The following NR1D1 variants were observed in gnomAD, a reference collection of about 807,000 sequenced individuals.
NR1D1 encodes the protein nuclear receptor subfamily 1 group D member 1.
A neutral mutation model predicts 51.1 loss-of-function variants in NR1D1; 17 were observed. That is an observed-to-expected ratio of 0.33 (90% CI 0.23 to 0.50). NR1D1 has a LOEUF of 0.50. NR1D1 is among the 20% of genes least tolerant of loss of function. NR1D1 has a pLI of 0.98. For synonymous variants in NR1D1, 341 were observed against 333.4 expected, an observed-to-expected ratio of 1.02 and a Z score of -0.25; for missense variants, 647 against 830.4, an observed-to-expected ratio of 0.78 and a Z score of 2.71.
chr17:40,098,963 G>A (rs1025007672), intron 1 of NR1D1, among the ~76,000 whole-genome samples: 2 of 152,130 alleles, frequency 1.3e-5, no homozygotes, highest in Non-Finnish European at 2.9e-5. Context: ...TAAAACAGAA[G>A]GCCATGAAAG....
Position 40,096,646 on chromosome 17 carries a change from G to A in NR1D1, c.459+45C>T, listed in dbSNP as rs1221228759. The A allele has an allele frequency of 3.1e-6, 5 of 1,613,732 alleles. No individual in the cohort carries two copies. The South Asian group carries it at 3.3e-5, about 11-fold the overall frequency. On this transcript the variant is annotated intron_variant, in intron 3 of 7. Transcript: ENST00000246672. The stretch of plus-strand genomic sequence containing the variant: ...TCATGGCTGGGCCTCTGTGTCCAGG[G>A]GGAGGGGGCCACCTGCCCCTGCCCT...
Position 40,095,439 on chromosome 17 carries a change from CT to C in NR1D1, c.1248+4del. On this transcript the variant is annotated splice_donor_region_variant and intron_variant, in intron 5 of 7. Coordinates refer to ENST00000246672, the MANE Select transcript of NR1D1 (RefSeq NM_021724.5). ...TAACGCACTCGCCCGCCCCCATGCC[CT>C]TACCAGCAGAACATTCTTTGAGTTG... 2 of 1,523,676 alleles carry C rather than the reference CT, an allele frequency of 1.3e-6. No individual in the cohort carries two copies. Among genetic ancestry groups the C allele is most frequent in the Non-Finnish European group, 1.8e-6 (2 of 1,136,228 alleles). The allele number at this position is 1,523,676 out of a possible 1,614,324, so 94.4% of individuals were successfully genotyped here. A position where few individuals can be genotyped will look rare whatever the true frequency, so the allele number is the denominator to read the frequency against.
intron 1 of NR1D1, among the ~76,000 whole-genome samples, chr17:40,098,962 A>C (rs1180778543): frequency 1.3e-5 from 2 of 151,348 alleles, no homozygotes; most frequent in African/African-American, 2.4e-5. Flanking sequence ...GTAAAACAGA[A>C]GGCCATGAAA....
rs1165709653 is a variant in NR1D1 at position 40,092,916 on chromosome 17, G to A, written c.*167C>T. On this transcript the variant is annotated 3_prime_UTR_variant, in exon 8 of 8. Transcript: ENST00000246672. ...GGAAGTTCGGTGATGGGGGAGGGAG[G>A]CAGGTATTTACAAGAAGGCTCAGGG... 4 of 1,470,264 alleles carry A rather than the reference G, an allele frequency of 2.7e-6. No individual in the cohort carries two copies. The highest frequency in any genetic ancestry group is 3.6e-6 in the Non-Finnish European group (4 of 1,101,222). 91.1% of individuals were successfully genotyped at this position (1,470,264 alleles called of 1,614,324 possible).
In NR1D1 at chr17:40,097,172, G is replaced by A. The variant is rs766286236; in HGVS notation, c.263C>T (p.Ser88Leu). 6 of 1,611,736 alleles carry A rather than the reference G, an allele frequency of 3.7e-6. No homozygotes were observed. The highest frequency in any genetic ancestry group is 1.3e-5 in the African/African-American group (1 of 74,890). ...DGSPSSSSSS[S>L]SSSSSFYNGS... ...ATTATAGAAGGAGGAGGAGGATGAC[G>A]ACGAGGAAGATGAGGAAGAAGGGGA... Residue 88 changes from serine (S) to leucine (L), a missense_variant, in exon 2 of 8, where the codon TCG becomes TTG. Coordinates refer to ENST00000246672, the MANE Select transcript of NR1D1 (RefSeq NM_021724.5).
In NR1D1 at chr17:40,093,273, C is replaced by T. The variant is rs903545497; in HGVS notation, c.1655G>A (p.Gly552Asp). 2 of 1,613,714 alleles carry T rather than the reference C, an allele frequency of 1.2e-6. No homozygotes were observed. Among genetic ancestry groups the T allele is most frequent in the Non-Finnish European group, 1.7e-6 (2 of 1,180,034 alleles). The change falls in exon 8 of 8, where the codon GGC becomes GAC. Residue 552 changes from glycine to aspartate, a missense_variant. This residue lies in a region of NR1D1 where 155 missense variants were observed against 236.8 expected (regional missense o/e 0.65). Coordinates refer to ENST00000246672, the MANE Select transcript of NR1D1 (RefSeq NM_021724.5). The surrounding 1 kb of genome is among the most constrained non-coding windows in gnomAD (Gnocchi z 5.9). The stretch of plus-strand genomic sequence containing the variant: ...CTCCACCGAAGCGGAATTCTCCATG[C>T]CCGAGCGGTCTGTGGGGAAGACGAC... ...AVVLVSADRS[G>D]MENSASVEQL...
intron 2 of NR1D1, 35 bp from the exon 3 acceptor site, chr17:40,096,814 G>C (rs747431988): frequency 6.2e-7 from 1 of 1,605,014 alleles, no homozygotes; most frequent in Non-Finnish European, 8.5e-7. Flanking sequence ...GAGCAGGAGA[G>C]GCCAGGCTGA....
At chr17:40,095,193 G>A in intron 5 of NR1D1, 73 bp from the exon 6 acceptor site, 1 of 1,458,452 alleles carries the variant, frequency 6.9e-7, no homozygotes, top group Non-Finnish European at 9.3e-7. Context: ...AGCAGAGCTG[G>A]ACCCCAGATT....
At position 40,094,140 on chromosome 17, in the gene NR1D1, C is replaced by G; in HGVS notation, c.1435-18G>C. ...ATCAGCACCTAGGAGGGAAGGGGAACAGTCATCCTGGGTGTGGTGGGAGGA... is the reference window on the plus strand; with the variant it reads ...ATCAGCACCTAGGAGGGAAGGGGAAGAGTCATCCTGGGTGTGGTGGGAGGA... On this transcript the variant is annotated intron_variant, in intron 6 of 7. Coordinates refer to ENST00000246672, the MANE Select transcript of NR1D1 (RefSeq NM_021724.5). 6.2e-7 allele frequency: 1 copy of G among 1,612,240 alleles called. No individual in the cohort carries two copies. Among genetic ancestry groups the G allele is most frequent in the Non-Finnish European group, 8.5e-7 (1 of 1,178,642 alleles).
chr17:40,097,111 C>A lies in NR1D1; in HGVS notation c.324G>T (p.Glu108Asp). ...SPPGSLQVAM[E>D]DSSRVSPSKS... Reference sequence around the variant, plus strand: ...TGCTGGGGGACACTCGGCTGCTGTCCTCCATGGCCACTTGTAGACTCCCAG... The same window carrying A: ...TGCTGGGGGACACTCGGCTGCTGTCATCCATGGCCACTTGTAGACTCCCAG... The change falls in exon 2 of 8, where the codon GAG becomes GAT. Residue 108 changes from glutamate (E) to aspartate (D), a missense_variant. Physicochemically the swap from Glu to Asp is conservative, Grantham distance 45 (BLOSUM62 2). Around this residue, in one of 7 missense-constraint regions of NR1D1, gnomAD observed 98 missense variants for 94.7 expected, o/e 1.03. Transcript: ENST00000246672. The A allele has an allele frequency of 2.5e-6, 4 of 1,609,574 alleles. No individual in the cohort carries two copies. Among genetic ancestry groups the A allele is most frequent in the Non-Finnish European group, 2.5e-6 (3 of 1,177,544 alleles).
chr17:40,095,472 C>G lies in NR1D1; in HGVS notation c.1220G>C (p.Arg407Pro). The change falls in exon 5 of 8, where the codon CGG (arginine) becomes CCG (proline). Residue 407 changes from arginine to proline, a missense_variant. This residue lies in a region of NR1D1 where 185 missense variants were observed against 176.3 expected (regional missense o/e 1.05). Transcript: ENST00000246672. ...CAGAACATTCTTTGAGTTGCCCTGC[C>G]GGGGACTGTTGGCAGGTGCCTTGCC... ...PEGKAPANSP[R>P]QGNSKNVLLA... 5 of 1,540,214 alleles carry G rather than the reference C, an allele frequency of 3.2e-6. No homozygotes were observed. In the South Asian group the frequency reaches 6.3e-5, roughly 19 times the overall value.
Position 40,096,183 on chromosome 17 carries a change from TG to T in NR1D1, c.605-97del, listed in dbSNP as rs1598402961. The T allele has an allele frequency of 5.8e-5, 87 of 1,505,854 alleles. No homozygotes were observed. The East Asian group carries it at 2.0e-3, about 34-fold the overall frequency. 93.3% of individuals were successfully genotyped at this position (1,505,854 alleles called of 1,614,324 possible). ...CTGAAAGGGCAAGGCCCTGAAGGCT[TG>T]GGGTTTCACATCAAAACTAAAACCA... is the stretch of plus-strand genomic sequence containing the variant. On this transcript the variant is annotated intron_variant, in intron 4 of 7. Coordinates refer to ENST00000246672, the MANE Select transcript of NR1D1 (RefSeq NM_021724.5).
Position 40,097,286 on chromosome 17 carries a change from G to C in NR1D1, c.149C>G (p.Thr50Ser), listed in dbSNP as rs1255666600. The C allele has an allele frequency of 6.8e-6, 11 of 1,613,880 alleles. No homozygotes were observed. Among genetic ancestry groups the C allele is most frequent in the Non-Finnish European group, 9.3e-6 (11 of 1,179,902 alleles). ...SFQSLTQGCP[T>S]YFPPSPTGSL... ...GCCAGTGGGGGATGGTGGGAAGTAG[G>C]TGGGACAGCCTTGGGTCAGGGACTG... Residue 50 changes from threonine to serine, a missense_variant, in exon 2 of 8, where the codon ACC becomes AGC. Physicochemically the swap from Thr to Ser is moderately conservative, Grantham distance 58. Around this residue, in one of 7 missense-constraint regions of NR1D1, gnomAD observed 40 missense variants for 69.0 expected, o/e 0.58. Coordinates refer to ENST00000246672, the MANE Select transcript of NR1D1 (RefSeq NM_021724.5).
At position 40,100,463 on chromosome 17, in the gene NR1D1, A is replaced by C. The variant is rs200130525; in HGVS notation, c.-369T>G. 1.1e-5 allele frequency: 5 copies of C among 465,950 alleles called. No individual in the cohort carries two copies. The highest frequency in any genetic ancestry group is 5.6e-4 in the Middle Eastern group (1 of 1,800). 28.9% of individuals were successfully genotyped at this position (465,950 alleles called of 1,614,324 possible). A position where few individuals can be genotyped will look rare whatever the true frequency, so the allele number is the denominator to read the frequency against. ...GTGGCGAATCTGGAGCTCCCGGTGC[A>C]AAAGTCCCAGAGGAAGAGAGGTTGC... On this transcript the variant is annotated 5_prime_UTR_variant, in exon 1 of 8. Transcript: ENST00000246672.
rs370095351 is a variant in NR1D1 at position 40,094,988 on chromosome 17, G to A, written c.1381C>T (p.Arg461Cys). The A allele has an allele frequency of 6.2e-6, 10 of 1,614,174 alleles. No individual in the cohort carries two copies. Among genetic ancestry groups the A allele is most frequent in the South Asian group, 2.2e-5 (2 of 91,084 alleles). The change falls in exon 6 of 8, where the codon CGT becomes TGT. Residue 461 changes from arginine (R) to cysteine (C), a missense_variant. Transcript: ENST00000246672. ...VEFAKHIPGF[R>C]DLSQHDQVTL... ...ACTTGGTCATGCTGAGAAAGGTCACGGAAGCCCGGGATGTGTTTGGCAAAC... is the reference window on the plus strand; with the variant it reads ...ACTTGGTCATGCTGAGAAAGGTCACAGAAGCCCGGGATGTGTTTGGCAAAC...
chr17:40,098,497 T>C (rs910028826), intron 1 of NR1D1, among the ~76,000 whole-genome samples: 12 of 152,254 alleles, frequency 7.9e-5, no homozygotes, highest in African/African-American at 2.4e-4. Context: ...GAATCATTAG[T>C]TGGCAGTAAA....
intron 1 of NR1D1, 144 bp downstream of exon 1, chr17:40,099,920 C>A: frequency 1.4e-6 from 1 of 690,058 alleles, no homozygotes; most frequent in African/African-American, 1.8e-5. Context: ...TCTGGAAATC[C>A]CACACTAAAG....
At position 40,093,218 on chromosome 17, in the gene NR1D1, A is replaced by C. The variant is rs776855858; in HGVS notation, c.1710T>G (p.Leu570=). The change falls in exon 8 of 8, where the codon CTT becomes CTG. Residue 570 remains leucine, a synonymous_variant. Coordinates refer to ENST00000246672, the MANE Select transcript of NR1D1 (RefSeq NM_021724.5). The surrounding 1 kb of genome is among the most constrained non-coding windows in gnomAD (Gnocchi z 5.9). Reference sequence around the variant, plus strand: ...GCCGGTTCTTCAGCACCAGAGCCCGAAGAGCCCGCAGCAGCGTCTCCTGGA... The same window carrying C: ...GCCGGTTCTTCAGCACCAGAGCCCGCAGAGCCCGCAGCAGCGTCTCCTGGA... ...EQLQETLLRA[L]RALVLKNRPL... is the part of the protein sequence containing the mutation. 3.7e-6 allele frequency: 6 copies of C among 1,613,702 alleles called. No individual in the cohort carries two copies. The South Asian group carries it at 6.6e-5, about 18-fold the overall frequency.
At chr17:40,099,715 C>CT (rs768627492) in intron 1 of NR1D1, among the ~76,000 whole-genome samples, 61 of 152,194 alleles carry the variant, frequency 4.0e-4, no homozygotes, top group Admixed American at 1.2e-3. Flanking sequence ...CATACTACAG[C>CT]TGCAGGTAGT....
Sources: gnomAD v4.1 joint callset for allele counts (sites outside exome capture counted in the v4.1 genomes callset) on GRCh38, gnomAD v4.1.1 for gene constraint, gnomAD v4.1.1 regional missense constraint, Gnocchi (gnomAD v3.1) non-coding constraint, MANE v1.5 for transcripts, NCBI Gene and HGNC (gene_info 2026-07-23, HGNC 2026-07-21) for gene names.